The following THADA variants were observed in gnomAD, a reference collection of about 807,000 sequenced individuals.
THADA encodes the protein THADA armadillo repeat containing.
THADA carries 213 observed loss-of-function variants against 219.8 expected under a neutral mutation model. The observed-to-expected ratio is 0.97, with a 90% CI of 0.87 to 1.09. The LOEUF (loss-of-function observed/expected upper bound fraction) is 1.09, where lower values mean the gene tolerates loss of function less well. Ranked by LOEUF, THADA falls within the 50% of genes least tolerant of loss-of-function variation. The pLI, the probability that THADA is intolerant of heterozygous loss-of-function variation, is 0.00. For missense variants in THADA, 2,956 were observed against 2,311.3 expected, an observed-to-expected ratio of 1.28 and a Z score of -5.72; for synonymous variants, 1,018 against 828.9, an observed-to-expected ratio of 1.23 and a Z score of -3.92.
At chr2:43,442,000 A>G (rs982241213) in intron 26 of THADA, among the ~76,000 whole-genome samples, 12 of 152,366 alleles carry the variant, frequency 7.9e-5, no homozygotes, top group Admixed American at 7.2e-4. Context: ...GGTTAAGAAG[A>G]CAGGTATTCA....
chr2:43,338,636 T>G (rs941178739), intron 30 of THADA, among the ~76,000 whole-genome samples: 1 of 152,230 alleles, frequency 6.6e-6, no homozygotes, highest in Non-Finnish European at 1.5e-5. Flanking sequence ...ATTGGCTTAT[T>G]TCGCTTAGCA....
intron 30 of THADA, among the ~76,000 whole-genome samples, chr2:43,334,672 G>A (rs1666187648): frequency 6.6e-6 from 1 of 152,066 alleles, no homozygotes; most frequent in Non-Finnish European, 1.5e-5. Context: ...CTACTCGGGA[G>A]GCTCAGGCAG....
At chr2:43,461,442 AT>A (rs1472543778) in intron 26 of THADA, among the ~76,000 whole-genome samples, 1 of 152,188 alleles carries the variant, frequency 6.6e-6, no homozygotes, top group Non-Finnish European at 1.5e-5. Flanking sequence ...TCCTAACTAC[AT>A]CCACTCCCTG....
chr2:43,272,439 T>C (rs1672234139), intron 36 of THADA, among the ~76,000 whole-genome samples: 1 of 152,144 alleles, frequency 6.6e-6, no homozygotes. Flanking sequence ...GACTAGCACA[T>C]GAAACAAGCC....
intron 31 of THADA, among the ~76,000 whole-genome samples, chr2:43,296,164 C>T (rs990337956): frequency 2.6e-5 from 4 of 151,930 alleles, no homozygotes; most frequent in South Asian, 2.1e-4. Context: ...GTGATCTGCT[C>T]GCCTCAGCCT....
At chr2:43,513,290 T>C (rs186319054) in intron 22 of THADA, among the ~76,000 whole-genome samples, 173 of 152,310 alleles carry the variant, frequency 1.1e-3, no homozygotes, top group Admixed American at 9.1e-3. Context: ...CCCCCTACAA[T>C]GCAAGTTAAT....
At chr2:43,590,171 T>G (rs1661809933) in intron 4 of THADA, among the ~76,000 whole-genome samples, 1 of 152,178 alleles carries the variant, frequency 6.6e-6, no homozygotes, top group Non-Finnish European at 1.5e-5. Flanking sequence ...TTCTATATCA[T>G]TTGAAATTTT....
chr2:43,509,591 G>C (rs925671269), intron 22 of THADA, among the ~76,000 whole-genome samples: 3 of 152,094 alleles, frequency 2.0e-5, no homozygotes, highest in African/African-American at 7.2e-5. Flanking sequence ...GTTGCAGAAA[G>C]ATAACTGATT....
intron 26 of THADA, among the ~76,000 whole-genome samples, chr2:43,456,725 T>G (rs1022556683): frequency 2.0e-5 from 3 of 152,150 alleles, no homozygotes; most frequent in African/African-American, 7.2e-5. Flanking sequence ...ACATTGTTCT[T>G]TTGTCTTGGC....
chr2:43,265,042 T>G (rs564441077), intron 36 of THADA, among the ~76,000 whole-genome samples: 34 of 152,384 alleles, frequency 2.2e-4, no homozygotes, highest in Admixed American at 2.0e-3. Flanking sequence ...CTGCAGGTTC[T>G]GATCCCTGAG....
At chr2:43,551,488 G>A (rs1231669104) in intron 19 of THADA, among the ~76,000 whole-genome samples, 2 of 151,336 alleles carry the variant, frequency 1.3e-5, no homozygotes, top group Admixed American at 1.3e-4. Flanking sequence ...GGAGCATTTT[G>A]TATTTCCAAT....
chr2:43,353,010 T>G (rs1668458608), intron 29 of THADA, among the ~76,000 whole-genome samples: 1 of 152,230 alleles, frequency 6.6e-6, no homozygotes, highest in South Asian at 2.1e-4. Context: ...CACTTTTCTG[T>G]GTCTGGCTTA....
chr2:43,492,207 G>A (rs933975245), intron 25 of THADA: 1 of 152,026 alleles, frequency 6.6e-6, no homozygotes, highest in Non-Finnish European at 1.5e-5. Context: ...CAGCTACTCA[G>A]GAGGCTGAGG....
At chr2:43,580,996 T>C (rs1376251541) in intron 8 of THADA, among the ~76,000 whole-genome samples, 1 of 152,150 alleles carries the variant, frequency 6.6e-6, no homozygotes, top group Non-Finnish European at 1.5e-5. Context: ...AGAGATCCCA[T>C]TAGCATGTTT....
rs559085055 is a variant in THADA at position 43,516,032 on chromosome 2, C to G, written c.3375-7252G>C. Among the ~76,000 whole-genome samples the G allele has an allele frequency of 2.6e-5, 4 of 152,246 alleles. No homozygotes were observed. In the South Asian group the frequency reaches 8.3e-4, roughly 32 times the overall value. ...GCCAAAAACTTTGTAGTTATGCTCTCTCTCTCAAATAGCAAATCTAATCTG... is the reference window on the plus strand; with the variant it reads ...GCCAAAAACTTTGTAGTTATGCTCTGTCTCTCAAATAGCAAATCTAATCTG... On this transcript the variant is annotated intron_variant, in intron 22 of 37. Transcript: ENST00000405975.
chr2:43,380,023 T>C (rs1412369108), intron 29 of THADA, among the ~76,000 whole-genome samples: 1 of 152,164 alleles, frequency 6.6e-6, no homozygotes, highest in Non-Finnish European at 1.5e-5. Flanking sequence ...CAGAGTTTTG[T>C]GGAGATAGGA....
rs146707546 is a variant in THADA at position 43,355,715 on chromosome 2, T to C, written c.4228-11478A>G. Among the ~76,000 whole-genome samples the C allele has an allele frequency of 3.3e-3, 507 of 152,320 alleles. 5 individuals carry two copies. The highest frequency in any genetic ancestry group is 6.6e-3 in the South Asian group (32 of 4,830). ...AATGTCATTCTTTTGCATGTGGAAA[T>C]CCAGTTTTCCCAGCACCATTTACTG... On this transcript the variant is annotated intron_variant, in intron 29 of 37. Coordinates refer to ENST00000405975, the MANE Select transcript of THADA (RefSeq NM_022065.5).
At chr2:43,290,231 T>C (rs1475593125) in intron 34 of THADA, among the ~76,000 whole-genome samples, 1 of 151,652 alleles carries the variant, frequency 6.6e-6, no homozygotes, top group African/African-American at 2.4e-5. Flanking sequence ...CTTGACCTCC[T>C]AAAGTGCTGG....
At chr2:43,488,375 T>C (rs367612904) in intron 25 of THADA, among the ~76,000 whole-genome samples, 21 of 152,278 alleles carry the variant, frequency 1.4e-4, no homozygotes, top group African/African-American at 5.1e-4. Context: ...ACAATCTACT[T>C]TGTGTCTCTA....
Sources: allele counts gnomAD v4.1 joint callset (sites outside exome capture counted in the v4.1 genomes callset), GRCh38; gene constraint gnomAD v4.1.1; transcripts MANE v1.5; gene names NCBI Gene and HGNC (gene_info 2026-07-23, HGNC 2026-07-21).